MRRF: variants seen among roughly 807,000 people sequenced by gnomAD.
MRRF encodes ribosome-recycling factor, mitochondrial.
A neutral mutation model predicts 25.1 loss-of-function variants in MRRF; 18 were observed. The ratio of observed to expected loss-of-function variants is 0.72; its 90% CI spans 0.50 to 1.06. The LOEUF is 1.06. Ranked by LOEUF, MRRF falls within the 50% of genes least tolerant of loss-of-function variation. The pLI, the probability that MRRF is intolerant of heterozygous loss-of-function variation, is 0.00. For missense variants in MRRF, 323 were observed against 319.3 expected (o/e 1.01, Z -0.09); for synonymous variants, 113 against 112.1 (o/e 1.01, Z -0.05).
chr9:122,285,918 A>G, intron 4 of MRRF: 1 of 1,299,452 alleles, frequency 7.7e-7, no homozygotes, highest in Non-Finnish European at 1.0e-6. Context: ...AGAATATTGC[A>G]TGGAGCACAG....
intron 5 of MRRF, among the ~76,000 whole-genome samples, chr9:122,299,570 G>A (rs150971114): frequency 5.8e-4 from 88 of 152,204 alleles, no homozygotes; most frequent in Admixed American, 1.3e-3. Flanking sequence ...AGGAGGCCAC[G>A]AAATTAGATG....
Position 122,326,158 on chromosome 9 carries a change from A to T in MRRF, c.*3541A>T, listed in dbSNP as rs1836134988. 7.3e-6 allele frequency: 1 copy of T among 137,512 alleles called. No homozygotes were observed. The highest frequency in any genetic ancestry group is 2.3e-4 in the South Asian group (1 of 4,390). The allele number at this position is 137,512 out of a possible 1,614,324, so 8.5% of individuals were successfully genotyped here. The stretch of plus-strand genomic sequence containing the variant: ...AGTCTTGCTCTGTCGCCCACGCTGG[A>T]GTGCATTGGCGCAATCTCGGCTCAC... On this transcript the variant is annotated 3_prime_UTR_variant, in exon 7 of 7. Coordinates refer to ENST00000344641, the MANE Select transcript of MRRF (RefSeq NM_138777.5).
At chr9:122,295,581 G>A (rs1306991975) in intron 5 of MRRF, among the ~76,000 whole-genome samples, 1 of 152,036 alleles carries the variant, frequency 6.6e-6, no homozygotes, top group Non-Finnish European at 1.5e-5. Flanking sequence ...AGGTAGCTGG[G>A]ATTACAGGCG....
intron 5 of MRRF, among the ~76,000 whole-genome samples, chr9:122,305,627 G>A (rs759042420): frequency 6.6e-6 from 1 of 152,182 alleles, no homozygotes; most frequent in Non-Finnish European, 1.5e-5. Context: ...CTGAAGGGGA[G>A]CAGATGACAC....
intron 1 of MRRF, among the ~76,000 whole-genome samples, chr9:122,268,274 T>C (rs764629312): frequency 6.6e-6 from 1 of 152,240 alleles, no homozygotes; most frequent in Non-Finnish European, 1.5e-5. Flanking sequence ...GGTGCTGCGT[T>C]TTCTGTCAAA....
intron 3 of MRRF, 102 bp downstream of exon 3, chr9:122,280,700 G>T: frequency 9.1e-7 from 1 of 1,093,374 alleles, no homozygotes; most frequent in East Asian, 2.4e-5. Context: ...CTAACTGGTG[G>T]CCATGGGCAG....
intron 2 of MRRF, among the ~76,000 whole-genome samples, chr9:122,276,934 C>T (rs921351541): frequency 1.3e-5 from 2 of 152,118 alleles, no homozygotes; most frequent in African/African-American, 4.8e-5. Flanking sequence ...AATCACAGCC[C>T]ACTGCAACCT....
intron 5 of MRRF, among the ~76,000 whole-genome samples, chr9:122,304,062 A>AACACACACACACACACACAC (rs66775611): frequency 4.2e-4 from 59 of 139,882 alleles, no homozygotes; most frequent in African/African-American, 1.4e-3. Flanking sequence ...ACCCTTTTCT[A>AACACACACACACACACACAC]ACACACACAC....
At chr9:122,269,935 G>T (rs1194806627) in intron 1 of MRRF, among the ~76,000 whole-genome samples, 2 of 151,930 alleles carry the variant, frequency 1.3e-5, no homozygotes, top group African/African-American at 2.4e-5. Flanking sequence ...AAATATTCAG[G>T]AATATTTAGT....
At chr9:122,315,294 A>G (rs1835445678) in intron 6 of MRRF, among the ~76,000 whole-genome samples, 1 of 152,086 alleles carries the variant, frequency 6.6e-6, no homozygotes, top group Non-Finnish European at 1.5e-5. Flanking sequence ...GTCCAGCTGG[A>G]ATGTATAGTT....
chr9:122,322,505 CA>C (rs1468224595), intron 6 of MRRF, 34 bp from the exon 7 acceptor site: 1 of 1,590,216 alleles, frequency 6.3e-7, no homozygotes, highest in East Asian at 2.2e-5. Context: ...TTTCCAGCCC[CA>C]TTAATCAGGC....
At chr9:122,291,935 A>G in intron 5 of MRRF, 95 bp downstream of exon 5, 1 of 856,896 alleles carries the variant, frequency 1.2e-6, no homozygotes, top group South Asian at 1.3e-5. Flanking sequence ...TAGGCCAATA[A>G]CATACCTTAC....
intron 4 of MRRF, chr9:122,286,027 T>G: frequency 1.5e-6 from 2 of 1,299,622 alleles, no homozygotes; most frequent in Non-Finnish European, 2.0e-6. Context: ...CTTTTTGTTA[T>G]TGGTCCACTA....
In MRRF at chr9:122,319,475, C is replaced by A. The variant is rs191590862; in HGVS notation, c.712-3065C>A. On this transcript the variant is annotated intron_variant, in intron 6 of 6. Transcript: ENST00000344641. ...TGGACAGATCAGTTAACATTCTGTG[C>A]CTTGATTTACTCCTCTGTAAAATGG... 1.7e-3 allele frequency among the ~76,000 whole-genome samples: 256 copies of A among 152,222 alleles called. 1 individual carries two copies. Among genetic ancestry groups the A allele is most frequent in the African/African-American group, 5.9e-3 (246 of 41,514 alleles).
chr9:122,315,858 T>A (rs1835480987), intron 6 of MRRF, among the ~76,000 whole-genome samples: 1 of 152,142 alleles, frequency 6.6e-6, no homozygotes, highest in Admixed American at 6.5e-5. Context: ...GGAAGAATGA[T>A]CAGATAGCAA....
intron 3 of MRRF, among the ~76,000 whole-genome samples, chr9:122,281,782 A>T (rs543071699): frequency 2.0e-5 from 3 of 152,202 alleles, no homozygotes; most frequent in Admixed American, 2.0e-4. Context: ...ACTTAAAAAG[A>T]TGATGGGCCT....
In MRRF at chr9:122,275,226, A is replaced by G. The variant is rs1248939897; in HGVS notation, c.184+4151A>G. On this transcript the variant is annotated intron_variant, in intron 2 of 6. Transcript: ENST00000344641. Reference sequence around the variant, plus strand: ...GACTTGTTCATCCTACATATCTACTACTTTGTATCCTTTGATTTATATCTC... The same window carrying G: ...GACTTGTTCATCCTACATATCTACTGCTTTGTATCCTTTGATTTATATCTC... Among the ~76,000 whole-genome samples the G allele has an allele frequency of 2.0e-5, 3 of 151,792 alleles. No individual in the cohort carries two copies. In the South Asian group the frequency reaches 6.2e-4, roughly 31 times the overall value.
chr9:122,273,069 C>G (rs1167587887), intron 2 of MRRF, among the ~76,000 whole-genome samples: 1 of 152,208 alleles, frequency 6.6e-6, no homozygotes, highest in Non-Finnish European at 1.5e-5. Context: ...GATCTTTCCC[C>G]TCACCACACA....
chr9:122,322,954 T>A lies in MRRF; in HGVS notation c.*337T>A, dbSNP rs1835975132. 5.1e-6 allele frequency: 2 copies of A among 389,304 alleles called. No individual in the cohort carries two copies. Among genetic ancestry groups the A allele is most frequent in the East Asian group, 9.8e-5 (2 of 20,512 alleles). The allele number at this position is 389,304 out of a possible 1,614,324, so 24.1% of individuals were successfully genotyped here. On this transcript the variant is annotated 3_prime_UTR_variant, in exon 7 of 7. Transcript: ENST00000344641. ...TCATCTTAGGAGTCTCCTTTTCAAA[T>A]AATTAGGCTCTGTTCCCATTTTAAA...
Sources: gnomAD v4.1 joint callset for allele counts (sites outside exome capture counted in the v4.1 genomes callset) on GRCh38, gnomAD v4.1.1 for gene constraint, MANE v1.5 for transcripts, NCBI Gene and HGNC (gene_info 2026-07-23, HGNC 2026-07-21) for gene names.